Variants in SLC30A8 observed in about 807,000 individuals in gnomAD.
SLC30A8 encodes the protein solute carrier family 30 member 8.
In SLC30A8, 27 loss-of-function variants were observed where a neutral mutation model predicts 36.9. That is an observed-to-expected ratio of 0.73 (90% CI 0.54 to 1.01). SLC30A8 has a LOEUF of 1.01. Among genes scored for constraint, SLC30A8 ranks in the 50% least tolerant of loss-of-function variants. The pLI is 0.00. For synonymous variants in SLC30A8, 164 were observed against 172.4 expected (o/e 0.95, Z 0.38); for missense variants, 439 against 452.0 (o/e 0.97, Z 0.26).
chr8:117,064,838 C>A (rs928375130), intron 2 of SLC30A8, among the ~76,000 whole-genome samples: 2 of 152,114 alleles, frequency 1.3e-5, no homozygotes, highest in African/African-American at 4.8e-5. Context: ...TATGTGAGGG[C>A]GGGAAATTTA....
chr8:116,980,791 T>A (rs1230276450), intron 1 of SLC30A8, among the ~76,000 whole-genome samples: 1 of 152,198 alleles, frequency 6.6e-6, no homozygotes, highest in Non-Finnish European at 1.5e-5. Context: ...TCCAGACATG[T>A]CTGTTACCTC....
intron 2 of SLC30A8, among the ~76,000 whole-genome samples, chr8:117,092,442 C>T (rs780593773): frequency 1.1e-4 from 17 of 151,704 alleles, no homozygotes; most frequent in Non-Finnish European, 2.1e-4. Context: ...ATCTTAGTGC[C>T]TTTAACAGCC....
intron 1 of SLC30A8, among the ~76,000 whole-genome samples, chr8:117,004,403 T>C (rs1005059663): frequency 6.6e-6 from 1 of 152,222 alleles, no homozygotes; most frequent in Admixed American, 6.5e-5. Context: ...CTGGGAAATA[T>C]ACACTAAGCT....
At chr8:117,019,179 C>A (rs1043285421) in intron 1 of SLC30A8, among the ~76,000 whole-genome samples, 1 of 152,108 alleles carries the variant, frequency 6.6e-6, no homozygotes, top group African/African-American at 2.4e-5. Context: ...AGAAACAGGA[C>A]CCATCTTACT....
At chr8:116,965,824 TG>T (rs1314992094) in intron 1 of SLC30A8, among the ~76,000 whole-genome samples, 1 of 152,172 alleles carries the variant, frequency 6.6e-6, no homozygotes, top group Non-Finnish European at 1.5e-5. Context: ...CCTGTTTTTT[TG>T]CTACTCTAAA....
intron 1 of SLC30A8, among the ~76,000 whole-genome samples, chr8:116,957,000 T>G (rs1814230372): frequency 6.6e-6 from 1 of 152,190 alleles, no homozygotes; most frequent in African/African-American, 2.4e-5. Context: ...GTTTCAATAC[T>G]CATGATATGA....
intron 2 of SLC30A8, 105 bp from the exon 3 acceptor site, chr8:117,152,839 A>G (rs1405088563): frequency 2.2e-6 from 2 of 914,048 alleles, no homozygotes; most frequent in Admixed American, 2.6e-5. Context: ...TTTTTCCTCT[A>G]AAGTTTTGTG....
chr8:117,137,771 C>A (rs1001033608), intron 1 of SLC30A8, among the ~76,000 whole-genome samples: 3 of 151,966 alleles, frequency 2.0e-5, no homozygotes, highest in Non-Finnish European at 4.4e-5. Context: ...GCTGACCATT[C>A]TCAGATAGCT....
At chr8:116,972,762 G>A (rs549649852) in intron 1 of SLC30A8, among the ~76,000 whole-genome samples, 22 of 152,150 alleles carry the variant, frequency 1.4e-4, no homozygotes, top group South Asian at 8.3e-4. Flanking sequence ...AGGAACTGAC[G>A]TGATAAATTA....
At chr8:117,051,231 A>G (rs997935402) in intron 2 of SLC30A8, among the ~76,000 whole-genome samples, 18 of 152,220 alleles carry the variant, frequency 1.2e-4, no homozygotes, top group African/African-American at 3.1e-4. Flanking sequence ...TCGTTGGCCA[A>G]TCATCCTCTA....
chr8:117,021,148 A>G (rs911705172), intron 1 of SLC30A8, among the ~76,000 whole-genome samples: 2 of 152,152 alleles, frequency 1.3e-5, no homozygotes, highest in Admixed American at 1.3e-4. Flanking sequence ...TACCTAGTGT[A>G]ATAGCCTTGA....
intron 2 of SLC30A8, among the ~76,000 whole-genome samples, chr8:117,126,038 C>T (rs567956656): frequency 2.6e-5 from 4 of 152,004 alleles, no homozygotes; most frequent in Admixed American, 6.6e-5. Flanking sequence ...TTTCCCCCCT[C>T]GATGAAGCAC....
chr8:116,976,775 G>T (rs917579765), intron 1 of SLC30A8, among the ~76,000 whole-genome samples: 2 of 147,674 alleles, frequency 1.4e-5, no homozygotes, highest in Non-Finnish European at 2.9e-5. Context: ...GTGGACCAGG[G>T]GATGCTGAGT....
intron 2 of SLC30A8, among the ~76,000 whole-genome samples, chr8:117,086,140 C>T (rs549290837): frequency 7.7e-4 from 117 of 152,258 alleles, no homozygotes; most frequent in African/African-American, 2.6e-3. Flanking sequence ...AGGTATGTTA[C>T]AGTTGGTTAT....
chr8:117,094,584 G>A (rs115295335), intron 2 of SLC30A8, among the ~76,000 whole-genome samples: 2,804 of 152,306 alleles, frequency 0.018, 91 homozygotes, highest in African/African-American at 0.064. Context: ...GGCCTCAGAG[G>A]GGAATAAGTG....
At chr8:117,101,291 A>T (rs1322795229) in intron 2 of SLC30A8, among the ~76,000 whole-genome samples, 1 of 152,110 alleles carries the variant, frequency 6.6e-6, no homozygotes, top group Non-Finnish European at 1.5e-5. Context: ...ATGCTCAATT[A>T]AAAGGGATTC....
At chr8:116,952,269 G>A (rs1342191821) in intron 1 of SLC30A8, among the ~76,000 whole-genome samples, 1 of 152,124 alleles carries the variant, frequency 6.6e-6, no homozygotes, top group Non-Finnish European at 1.5e-5. Context: ...ATGCTTTGGG[G>A]TTCAGACTGT....
chr8:117,144,869 G>A (rs1821829358), intron 1 of SLC30A8, among the ~76,000 whole-genome samples: 1 of 152,120 alleles, frequency 6.6e-6, no homozygotes, highest in African/African-American at 2.4e-5. Flanking sequence ...AGTCTTCTGA[G>A]TATAATAATG....
upstream of SLC30A8, among the ~76,000 whole-genome samples, chr8:117,132,006 C>G (rs1428672380): frequency 6.6e-6 from 1 of 152,018 alleles, no homozygotes; most frequent in Non-Finnish European, 1.5e-5. Flanking sequence ...CTTCACCACA[C>G]TACCTCTCCA....
Sources: allele counts gnomAD v4.1 joint callset (sites outside exome capture counted in the v4.1 genomes callset), GRCh38; gene constraint gnomAD v4.1.1; transcripts MANE v1.5; gene names NCBI Gene and HGNC (gene_info 2026-07-23, HGNC 2026-07-21).